C2CD3: variants seen among roughly 807,000 people sequenced by gnomAD.
The protein encoded by C2CD3 is C2 domain containing 3 centriole elongation regulator.
In C2CD3, 148 loss-of-function variants were observed where a neutral mutation model predicts 234.0. That is an observed-to-expected ratio of 0.63 (90% CI 0.55 to 0.72). The LOEUF (loss-of-function observed/expected upper bound fraction) is 0.72. C2CD3 is among the 30% of genes least tolerant of loss of function. The pLI is 0.00. For missense variants in C2CD3, 2,577 were observed against 2,811.5 expected (o/e 0.92, Z 1.89); for synonymous variants, 1,000 against 1,035.4 (o/e 0.97, Z 0.66).
At chr11:74,049,277 G>A (rs1323410329) in intron 27 of C2CD3, 60 bp downstream of exon 27, 3 of 1,391,078 alleles carry the variant, frequency 2.2e-6, no homozygotes, top group East Asian at 4.6e-5. Context: ...CATGAGTAAA[G>A]GATGTTCTTA....
chr11:74,054,961 T>A lies in C2CD3; in HGVS notation c.5091-290A>T, dbSNP rs188927089. Among the ~76,000 whole-genome samples the A allele has an allele frequency of 7.2e-5, 11 of 152,236 alleles. No homozygotes were observed. The East Asian group carries it at 1.9e-3, about 27-fold the overall frequency. On this transcript the variant is annotated intron_variant, in intron 25 of 32. Coordinates refer to ENST00000334126, the MANE Select transcript of C2CD3 (RefSeq NM_001286577.2). ...CAGAGGAGGAAGTATGGAAAAGAAGTTCCTCAACATGCATTTAAGAGTTTT... is the reference window on the plus strand; with the variant it reads ...CAGAGGAGGAAGTATGGAAAAGAAGATCCTCAACATGCATTTAAGAGTTTT...
In C2CD3 at chr11:74,090,691, A is replaced by G. The variant is rs1955855858; in HGVS notation, c.3641+122T>C. 22 of 1,050,866 alleles carry G rather than the reference A, an allele frequency of 2.1e-5. No individual in the cohort carries two copies. In the South Asian group the frequency reaches 3.3e-4, roughly 16 times the overall value. 65.1% of individuals were successfully genotyped at this position (1,050,866 alleles called of 1,614,324 possible). ...ATTCTGAAATGCTTTATTAACAGAA[A>G]AAGAGGAGTTGTGGTTAGTGAACTG... On this transcript the variant is annotated intron_variant, in intron 20 of 32. Coordinates refer to ENST00000334126, the MANE Select transcript of C2CD3 (RefSeq NM_001286577.2).
Position 74,093,858 on chromosome 11 carries a change from C to T in C2CD3, c.3302G>A (p.Gly1101Asp), listed in dbSNP as rs1032324911. The T allele has an allele frequency of 4.3e-6, 7 of 1,613,908 alleles. No homozygotes were observed. In the African/African-American group the frequency reaches 9.3e-5, roughly 22 times the overall value. Reference sequence around the variant, plus strand: ...CTGGACTCCACCTCCAGGCACGAGGCCCTGTGCAGAGAAAGCACTTAGTAG... The same window carrying T: ...CTGGACTCCACCTCCAGGCACGAGGTCCTGTGCAGAGAAAGCACTTAGTAG... ...RLLLSAFSAQGLVPGGGVQFE... is the reference protein window; with the variant it reads ...RLLLSAFSAQDLVPGGGVQFE... Residue 1101 changes from glycine to aspartate, a missense_variant, in exon 18 of 33, where the codon GGC becomes GAC. Physicochemically the swap from Gly to Asp is moderately conservative, Grantham distance 94 (BLOSUM62 -1). Transcript: ENST00000334126.
At chr11:74,098,706 G>A (rs1467680791) in intron 15 of C2CD3, among the ~76,000 whole-genome samples, 1 of 152,040 alleles carries the variant, frequency 6.6e-6, no homozygotes, top group African/African-American at 2.4e-5. Flanking sequence ...TCCTTTTAAC[G>A]CTGCAAAGGT....
intron 11 of C2CD3, chr11:74,113,074 A>C (rs554508808): frequency 6.6e-6 from 1 of 152,396 alleles, no homozygotes; most frequent in Admixed American, 6.5e-5. Context: ...GAAAAGGATA[A>C]ATGAAATGTG....
intron 19 of C2CD3, among the ~76,000 whole-genome samples, chr11:74,092,001 T>C (rs1224507025): frequency 1.3e-5 from 2 of 151,966 alleles, no homozygotes; most frequent in Non-Finnish European, 1.5e-5. Context: ...AAAAGGGATG[T>C]TTATGTATAC....
At chr11:74,159,577 A>G (rs907468492) in intron 3 of C2CD3, among the ~76,000 whole-genome samples, 2 of 152,204 alleles carry the variant, frequency 1.3e-5, no homozygotes, top group African/African-American at 4.8e-5. Context: ...AAAAAAGCTT[A>G]TAGAATAGGG....
chr11:74,082,316 C>G (rs1381829132), intron 22 of C2CD3, among the ~76,000 whole-genome samples: 1 of 152,002 alleles, frequency 6.6e-6, no homozygotes. Context: ...GGGGTTTCAC[C>G]TTGTTAGCCA....
intron 3 of C2CD3, among the ~76,000 whole-genome samples, chr11:74,157,064 C>T (rs1195998948): frequency 6.6e-6 from 1 of 152,170 alleles, no homozygotes; most frequent in Non-Finnish European, 1.5e-5. Flanking sequence ...CGATCATATG[C>T]ACATATGCAA....
At position 74,093,838 on chromosome 11, in the gene C2CD3, C is replaced by A; in HGVS notation, c.3322G>T (p.Val1108Phe). The stretch of plus-strand genomic sequence containing the variant: ...TACCTGCACCAGATTTCAAACTGGA[C>A]TCCACCTCCAGGCACGAGGCCCTGT... Reference protein sequence around the residue: ...SAQGLVPGGGVQFEIWCRYYY... With the variant: ...SAQGLVPGGGFQFEIWCRYYY... The change falls in exon 18 of 33, where the codon GTC (valine) becomes TTC (phenylalanine). Residue 1108 changes from valine to phenylalanine, a missense_variant. By Grantham distance (50) the Val-to-Phe change is conservative. Transcript: ENST00000334126. 6.2e-7 allele frequency: 1 copy of A among 1,613,910 alleles called. No individual in the cohort carries two copies. The highest frequency in any genetic ancestry group is 8.5e-7 in the Non-Finnish European group (1 of 1,179,874).
Position 74,116,106 on chromosome 11 carries a change from A to G in C2CD3, c.1521-1513T>C, listed in dbSNP as rs977335261. 4.6e-5 allele frequency among the ~76,000 whole-genome samples: 7 copies of G among 152,208 alleles called. No homozygotes were observed. The South Asian group carries it at 1.4e-3, about 32-fold the overall frequency. The stretch of plus-strand genomic sequence containing the variant: ...AAGAACCCAAAAGCAAATGCAACAA[A>G]AACAAAGATAAATAGATGGGACTTA... On this transcript the variant is annotated intron_variant, in intron 9 of 32. Transcript: ENST00000334126.
At chr11:74,090,747 T>C in intron 20 of C2CD3, 66 bp downstream of exon 20, 1 of 1,579,594 alleles carries the variant, frequency 6.3e-7, no homozygotes, top group South Asian at 1.1e-5. Context: ...TTTGCATATC[T>C]GAGCATTATT....
chr11:74,099,354 T>C (rs1184429550), intron 15 of C2CD3, among the ~76,000 whole-genome samples: 1 of 152,130 alleles, frequency 6.6e-6, no homozygotes. Flanking sequence ...ATTTTACAGA[T>C]GAGGAAAAGA....
intron 3 of C2CD3, among the ~76,000 whole-genome samples, chr11:74,155,631 G>C (rs1855960942): frequency 6.6e-6 from 1 of 152,000 alleles, no homozygotes; most frequent in African/African-American, 2.4e-5. Flanking sequence ...AATGAAAAAA[G>C]CCAATCGCAA....
intron 9 of C2CD3, among the ~76,000 whole-genome samples, chr11:74,116,932 A>G (rs1956974107): frequency 1.7e-5 from 2 of 119,912 alleles, no homozygotes; most frequent in South Asian, 2.5e-4. Flanking sequence ...ATACACGTGT[A>G]TATACACATA....
chr11:74,092,644 C>G (rs781439466), intron 18 of C2CD3, 56 bp from the exon 19 acceptor site: 161 of 1,460,592 alleles, frequency 1.1e-4, no homozygotes, highest in Middle Eastern at 4.0e-4. Flanking sequence ...ATGATTCAGT[C>G]TGCCCCACAG....
At chr11:74,129,928 G>T (rs1957584680) in intron 7 of C2CD3, 1 of 152,278 alleles carries the variant, frequency 6.6e-6, no homozygotes. Flanking sequence ...ACGAAAACCA[G>T]TCAGGCGTGG....
Position 74,092,458 on chromosome 11 carries a change from G to T in C2CD3, c.3475C>A (p.Pro1159Thr), listed in dbSNP as rs1246108920. 3.1e-6 allele frequency: 5 copies of T among 1,613,726 alleles called. No homozygotes were observed. Among genetic ancestry groups the T allele is most frequent in the Non-Finnish European group, 4.2e-6 (5 of 1,179,832 alleles). The change falls in exon 19 of 33, where the codon CCC (proline) becomes ACC (threonine). Residue 1159 changes from proline to threonine, a missense_variant. Coordinates refer to ENST00000334126, the MANE Select transcript of C2CD3 (RefSeq NM_001286577.2). ...GIQTFNLPLT[P>T]RIENRKELRN... ...AATTCTTTCCTGTTCTCAATCCTGG[G>T]GGTTAAAGGGAGATTAAAGGTCTGT...
intron 11 of C2CD3, chr11:74,110,614 TAA>T (rs1383175247): frequency 1.3e-5 from 2 of 152,254 alleles, no homozygotes; most frequent in Non-Finnish European, 2.9e-5. Flanking sequence ...TTGAACACTG[TAA>T]AATTCTTTAT....
Sources: allele counts gnomAD v4.1 joint callset (sites outside exome capture counted in the v4.1 genomes callset), GRCh38; gene constraint gnomAD v4.1.1; transcripts MANE v1.5; gene names NCBI Gene and HGNC (gene_info 2026-07-23, HGNC 2026-07-21).